Variants in GHR observed in about 807,000 individuals in gnomAD.
The protein encoded by GHR is growth hormone receptor, also known as GH receptor.
In GHR, 35 loss-of-function variants were observed where a neutral mutation model predicts 67.1. The observed-to-expected ratio is 0.52, with a 90% CI of 0.40 to 0.69. GHR has a LOEUF of 0.69. GHR is among the 30% of genes least tolerant of loss of function. The probability of loss-of-function intolerance (pLI) is 0.00; values close to 1 mark genes in which losing one functional copy is unlikely to be tolerated. For synonymous variants in GHR, 272 were observed against 269.1 expected (o/e 1.01, Z -0.10); for missense variants, 792 against 764.6 (o/e 1.04, Z -0.42).
intron 1 of GHR, among the ~76,000 whole-genome samples, chr5:42,492,910 T>A (rs180728927): frequency 1.6e-3 from 249 of 152,248 alleles, no homozygotes; most frequent in Non-Finnish European, 3.0e-3. Context: ...TATGCAAAAA[T>A]TGACTTAAAA....
At chr5:42,481,851 G>C (rs1340571473) in intron 1 of GHR, among the ~76,000 whole-genome samples, 1 of 152,108 alleles carries the variant, frequency 6.6e-6, no homozygotes, top group Non-Finnish European at 1.5e-5. Flanking sequence ...GCTCGGATTA[G>C]TTTGATCGTC....
At chr5:42,648,692 CTAG>C (rs571645858) in intron 3 of GHR, among the ~76,000 whole-genome samples, 189 of 149,750 alleles carry the variant, frequency 1.3e-3, no homozygotes, top group African/African-American at 3.5e-3. Context: ...ACTACTAGTA[CTAG>C]TAGTAGTAGT....
intron 1 of GHR, among the ~76,000 whole-genome samples, chr5:42,448,479 T>C (rs1743908890): frequency 6.6e-6 from 1 of 151,946 alleles, no homozygotes; most frequent in Non-Finnish European, 1.5e-5. Context: ...GAGTTCCTTG[T>C]AGATTCTGGA....
rs529019092 is a variant in GHR at position 42,566,516 on chromosome 5, C to T, written c.70+572C>T. On this transcript the variant is annotated intron_variant, in intron 2 of 9. Transcript: ENST00000230882. ...CTTCCCCATCTCTATAATTCTCCCT[C>T]CCTTTTTTATATCCCTCTCCTTGTA... 7.7e-4 allele frequency among the ~76,000 whole-genome samples: 118 copies of T among 152,280 alleles called. 1 individual carries two copies. Among genetic ancestry groups the T allele is most frequent in the African/African-American group, 2.7e-3 (114 of 41,562 alleles).
chr5:42,636,889 A>G (rs1229555121), intron 3 of GHR, among the ~76,000 whole-genome samples: 2 of 152,234 alleles, frequency 1.3e-5, no homozygotes, highest in Non-Finnish European at 2.9e-5. Flanking sequence ...AGCCAAAAAT[A>G]ACAAGAGGTG....
intron 1 of GHR, among the ~76,000 whole-genome samples, chr5:42,542,099 G>A (rs997492223): frequency 6.6e-6 from 1 of 152,140 alleles, no homozygotes; most frequent in African/African-American, 2.4e-5. Flanking sequence ...TAACTATAGA[G>A]AAAAGAGGAG....
At chr5:42,471,843 G>T (rs1361172502) in intron 1 of GHR, among the ~76,000 whole-genome samples, 2 of 152,132 alleles carry the variant, frequency 1.3e-5, no homozygotes, top group African/African-American at 2.4e-5. Flanking sequence ...TATTATCACT[G>T]CCCAGAACCC....
intron 1 of GHR, among the ~76,000 whole-genome samples, chr5:42,479,237 G>A (rs911490810): frequency 2.0e-5 from 3 of 152,148 alleles, no homozygotes; most frequent in South Asian, 4.2e-4. Context: ...GATGAAGCCA[G>A]CTTGATCATG....
intron 3 of GHR, among the ~76,000 whole-genome samples, chr5:42,679,574 G>A (rs1041267192): frequency 4.0e-5 from 6 of 151,764 alleles, no homozygotes; most frequent in Admixed American, 6.6e-5. Context: ...GCAGTGAGCC[G>A]AGATCATGGC....
At chr5:42,631,730 G>A (rs774640448) in intron 3 of GHR, among the ~76,000 whole-genome samples, 11 of 152,188 alleles carry the variant, frequency 7.2e-5, no homozygotes, top group Admixed American at 4.6e-4. Flanking sequence ...TAATTTACAC[G>A]TTTCCTGTGT....
chr5:42,542,879 C>G (rs1245395801), intron 1 of GHR, among the ~76,000 whole-genome samples: 1 of 152,086 alleles, frequency 6.6e-6, no homozygotes, highest in Non-Finnish European at 1.5e-5. Context: ...GCAAGAACTT[C>G]ATGGTATTTG....
chr5:42,663,561 C>G (rs1041772742), intron 3 of GHR, among the ~76,000 whole-genome samples: 3 of 152,210 alleles, frequency 2.0e-5, no homozygotes, highest in African/African-American at 7.2e-5. Flanking sequence ...ATGCTAAAAA[C>G]TCTCAATAAA....
chr5:42,495,082 C>T (rs1746265309), intron 1 of GHR, among the ~76,000 whole-genome samples: 1 of 151,890 alleles, frequency 6.6e-6, no homozygotes, highest in African/African-American at 2.4e-5. Context: ...CCCACGCCCC[C>T]CCCCCATTTT....
intron 3 of GHR, among the ~76,000 whole-genome samples, chr5:42,634,521 G>GCGCA (rs1554029692): frequency 1.7e-4 from 26 of 148,928 alleles, no homozygotes; most frequent in African/African-American, 1.2e-4. Context: ...ATTGAATTTT[G>GCGCA]CACACACACA....
At position 42,698,997 on chromosome 5, in the gene GHR, T is replaced by C. The variant is rs149378275; in HGVS notation, c.440-827T>C. ...AATTTTCGTGGAACTGTAGAGTATATCAATAGAACCTGAGGAAAACAATGT... is the reference window on the plus strand; with the variant it reads ...AATTTTCGTGGAACTGTAGAGTATACCAATAGAACCTGAGGAAAACAATGT... On this transcript the variant is annotated intron_variant, in intron 5 of 9. Transcript: ENST00000230882. 2.1e-4 allele frequency among the ~76,000 whole-genome samples: 32 copies of C among 152,314 alleles called. 4 individuals are homozygous for C. The highest frequency in any genetic ancestry group is 7.5e-4 in the African/African-American group (31 of 41,582).
intron 1 of GHR, among the ~76,000 whole-genome samples, chr5:42,541,128 C>T (rs375144879): frequency 1.3e-5 from 2 of 151,926 alleles, no homozygotes; most frequent in African/African-American, 4.8e-5. Context: ...ATTGTACATG[C>T]CTGGAAATAT....
chr5:42,448,250 A>G (rs1240499771), intron 1 of GHR, among the ~76,000 whole-genome samples: 4 of 152,026 alleles, frequency 2.6e-5, no homozygotes, highest in African/African-American at 4.8e-5. Flanking sequence ...CTTCATGCCA[A>G]CATCTATTAT....
intron 3 of GHR, 40 bp from the exon 4 acceptor site, chr5:42,688,850 C>T: frequency 6.2e-7 from 1 of 1,601,164 alleles, no homozygotes; most frequent in Non-Finnish European, 8.6e-7. Context: ...ACATATGACT[C>T]ACCTGATTTC....
chr5:42,649,635 T>C (rs1754917004), intron 3 of GHR, among the ~76,000 whole-genome samples: 1 of 152,170 alleles, frequency 6.6e-6, no homozygotes, highest in South Asian at 2.1e-4. Flanking sequence ...AACAGACATA[T>C]GGAAAACTGT....
Sources: allele counts gnomAD v4.1 joint callset (sites outside exome capture counted in the v4.1 genomes callset), GRCh38; gene constraint gnomAD v4.1.1; transcripts MANE v1.5; gene names NCBI Gene and HGNC (gene_info 2026-07-23, HGNC 2026-07-21).